Variants in EDEM1 observed in about 807,000 individuals in gnomAD.
The protein encoded by EDEM1 is ER degradation enhancing alpha-mannosidase like protein 1.
Under a neutral mutation model 74.4 loss-of-function variants are expected in EDEM1, and 67 were observed. The observed-to-expected ratio is 0.90, with a 90% CI of 0.74 to 1.10. The LOEUF is 1.10. Among genes scored for constraint, EDEM1 ranks in the 50% least tolerant of loss-of-function variants. EDEM1 has a pLI of 0.00. For synonymous variants in EDEM1, 382 were observed against 335.9 expected (o/e 1.14, Z -1.50); for missense variants, 926 against 851.6 (o/e 1.09, Z -1.09).
chr3:5,192,647 AG>A (rs2106587154), intron 1 of EDEM1, among the ~76,000 whole-genome samples: 1 of 152,360 alleles, frequency 6.6e-6, no homozygotes, highest in African/African-American at 2.4e-5. Context: ...ATATCTACAA[AG>A]AACAAATCCA....
chr3:5,213,673 G>A, intron 11 of EDEM1, 151 bp downstream of exon 11: 1 of 764,540 alleles, frequency 1.3e-6, no homozygotes. Flanking sequence ...TTACATAGCT[G>A]TTGTCAGGGT....
chr3:5,198,001 G>A (rs1235406970), intron 2 of EDEM1, among the ~76,000 whole-genome samples: 1 of 152,030 alleles, frequency 6.6e-6, no homozygotes, highest in East Asian at 1.9e-4. Context: ...GGGTGAGGGG[G>A]CACTTCCAAG....
In EDEM1 at chr3:5,208,096, C is replaced by A; in HGVS notation, c.1342C>A (p.Leu448Met). The change falls in exon 8 of 12, where the codon CTG becomes ATG. Residue 448 changes from leucine to methionine, a missense_variant. Leu to Met is a conservative substitution (Grantham distance 15, BLOSUM62 2). Transcript: ENST00000256497. The part of the protein sequence containing the change: ...LQAFFPGLQV[L>M]IGDVEDAICL... ...ATGACCTGTGTCCTCTCCTTAGGTG[C>A]TGATAGGAGATGTGGAAGATGCCAT... The A allele has an allele frequency of 6.2e-7, 1 of 1,601,450 alleles. No individual in the cohort carries two copies. The highest frequency in any genetic ancestry group is 8.5e-7 in the Non-Finnish European group (1 of 1,176,070).
chr3:5,195,899 C>T (rs184480505), intron 2 of EDEM1, among the ~76,000 whole-genome samples: 1 of 152,362 alleles, frequency 6.6e-6, no homozygotes, highest in East Asian at 1.9e-4. Context: ...CAGTGTGGCA[C>T]TCAGTACATG....
In EDEM1 at chr3:5,195,214, A is replaced by G. The variant is rs1427661411; in HGVS notation, c.515A>G (p.Asn172Ser). 1.3e-6 allele frequency: 2 copies of G among 1,523,762 alleles called. No individual in the cohort carries two copies. The highest frequency in any genetic ancestry group is 1.8e-6 in the Non-Finnish European group (2 of 1,132,076). 94.4% of individuals were successfully genotyped at this position (1,523,762 alleles called of 1,614,324 possible). A position where few individuals can be genotyped will look rare whatever the true frequency, so the allele number is the denominator to read the frequency against. The change falls in exon 2 of 12, where the codon AAT (asparagine) becomes AGT (serine). Residue 172 changes from asparagine (N) to serine (S), a missense_variant. Asn to Ser is a conservative substitution (Grantham distance 46, BLOSUM62 1). Coordinates refer to ENST00000256497, the MANE Select transcript of EDEM1 (RefSeq NM_014674.3). The part of the protein sequence containing the change: ...GRGPDRGDPS[N>S]LNINDVLGNY... Reference sequence around the variant, plus strand: ...ATTTTAATTTTCTTTTTCAGTTCAAATCTGAACATCAATGATGTACTAGGG... The same window carrying G: ...ATTTTAATTTTCTTTTTCAGTTCAAGTCTGAACATCAATGATGTACTAGGG...
At chr3:5,201,980 A>G in intron 4 of EDEM1, 56 bp downstream of exon 4, 1 of 1,552,690 alleles carries the variant, frequency 6.4e-7, no homozygotes, top group Non-Finnish European at 8.7e-7. Context: ...TCCTGAATTA[A>G]AATTCTTTGC....
intron 3 of EDEM1, 91 bp from the exon 4 acceptor site, chr3:5,201,662 G>T: frequency 6.7e-7 from 1 of 1,485,504 alleles, no homozygotes; most frequent in Non-Finnish European, 9.3e-7. Flanking sequence ...GAGTCTATGT[G>T]GATATGAACA....
At chr3:5,188,346 C>T in intron 1 of EDEM1, 32 bp downstream of exon 1, 1 of 1,387,184 alleles carries the variant, frequency 7.2e-7, no homozygotes, top group Non-Finnish European at 9.4e-7. Flanking sequence ...GGGCCGCGCG[C>T]CCACGCGCTT....
intron 1 of EDEM1, among the ~76,000 whole-genome samples, chr3:5,192,629 T>C (rs773535975): frequency 6.6e-6 from 1 of 152,202 alleles, no homozygotes; most frequent in Non-Finnish European, 1.5e-5. Context: ...GGCTGGAGAT[T>C]GACAAGAATA....
intron 4 of EDEM1, among the ~76,000 whole-genome samples, chr3:5,202,153 C>G (rs1053817215): frequency 6.6e-6 from 1 of 152,198 alleles, no homozygotes; most frequent in Admixed American, 6.5e-5. Context: ...CTGACTTATT[C>G]CTTCCCCTTA....
chr3:5,210,270 C>A (rs554520105), intron 9 of EDEM1, 22 bp downstream of exon 9: 62 of 1,599,756 alleles, frequency 3.9e-5, no homozygotes, highest in Non-Finnish European at 5.0e-5. Context: ...AAGTTCCTAC[C>A]TTTTTCTGTC....
rs200591426 is a variant in EDEM1 at position 5,188,000 on chromosome 3, G to T, written c.195G>T (p.Gly65=). The T allele has an allele frequency of 2.0e-6, 3 of 1,510,786 alleles. No individual in the cohort carries two copies. Among genetic ancestry groups the T allele is most frequent in the Non-Finnish European group, 2.6e-6 (3 of 1,132,098 alleles). 93.6% of individuals were successfully genotyped at this position (1,510,786 alleles called of 1,614,324 possible). A position where few individuals can be genotyped will look rare whatever the true frequency, so the allele number is the denominator to read the frequency against. ...CGGGGCCCGTGGGCCGGCCTGGGGGGGTATCCGGGCCGTCGTGGCTGCAGC... is the reference window on the plus strand; with the variant it reads ...CGGGGCCCGTGGGCCGGCCTGGGGGTGTATCCGGGCCGTCGTGGCTGCAGC... ...PTSGPVGRPG[G]VSGPSWLQPP... Residue 65 remains glycine (G), a synonymous_variant, in exon 1 of 12, where the codon GGG becomes GGT. Transcript: ENST00000256497.
At chr3:5,196,890 C>G (rs1424776259) in intron 2 of EDEM1, among the ~76,000 whole-genome samples, 4 of 151,886 alleles carry the variant, frequency 2.6e-5, no homozygotes, top group Non-Finnish European at 5.9e-5. Flanking sequence ...CTCCTTGTCC[C>G]TGAGAGCTTT....
Position 5,194,764 on chromosome 3 carries a change from C to T in EDEM1, c.510-445C>T, listed in dbSNP as rs564423502. On this transcript the variant is annotated intron_variant, in intron 1 of 11. Transcript: ENST00000256497. ...TTGACACTGTCAATTAATGTATTTA[C>T]TTCTTTTTGTGTGTAATATAGGCTG... 1.4e-3 allele frequency among the ~76,000 whole-genome samples: 209 copies of T among 152,294 alleles called. 1 individual carries two copies. Among genetic ancestry groups the T allele is most frequent in the African/African-American group, 4.9e-3 (204 of 41,554 alleles).
chr3:5,208,492 C>G (rs1397910320), intron 8 of EDEM1, among the ~76,000 whole-genome samples: 3 of 152,098 alleles, frequency 2.0e-5, no homozygotes, highest in East Asian at 1.9e-4. Flanking sequence ...TTCTACAAAG[C>G]TGAATCATGT....
chr3:5,195,225 A>G lies in EDEM1; in HGVS notation c.526A>G (p.Asn176Asp). ...DRGDPSNLNI[N>D]DVLGNYSLTL... ...CTTTTTCAGTTCAAATCTGAACATCAATGATGTACTAGGGAACTACTCATT... is the reference window on the plus strand; with the variant it reads ...CTTTTTCAGTTCAAATCTGAACATCGATGATGTACTAGGGAACTACTCATT... The change falls in exon 2 of 12, where the codon AAT becomes GAT. Residue 176 changes from asparagine to aspartate, a missense_variant. Asn to Asp is a conservative substitution (Grantham distance 23). Transcript: ENST00000256497. 6.5e-7 allele frequency: 1 copy of G among 1,539,686 alleles called. No homozygotes were observed. Among genetic ancestry groups the G allele is most frequent in the Non-Finnish European group, 8.8e-7 (1 of 1,140,654 alleles).
Position 5,205,966 on chromosome 3 carries a change from C to A in EDEM1, c.1217+725C>A, listed in dbSNP as rs574164118. ...GACACATCCCAGTGTTTAACTGTGG[C>A]TTTAATTGCAGATAGATCTGCAATG... On this transcript the variant is annotated intron_variant, in intron 6 of 11. Coordinates refer to ENST00000256497, the MANE Select transcript of EDEM1 (RefSeq NM_014674.3). Among the ~76,000 whole-genome samples the A allele has an allele frequency of 8.2e-4, 125 of 152,166 alleles. 1 individual carries two copies. Among genetic ancestry groups the A allele is most frequent in the African/African-American group, 3.0e-3 (123 of 41,498 alleles).
intron 1 of EDEM1, among the ~76,000 whole-genome samples, chr3:5,192,228 G>A (rs2054910304): frequency 6.6e-6 from 1 of 152,156 alleles, no homozygotes; most frequent in South Asian, 2.1e-4. Flanking sequence ...ATTGAGTACT[G>A]TTGTGTATTC....
At chr3:5,208,457 A>G (rs894998791) in intron 8 of EDEM1, among the ~76,000 whole-genome samples, 194 bp downstream of exon 8, 2 of 152,184 alleles carry the variant, frequency 1.3e-5, no homozygotes, top group Non-Finnish European at 2.9e-5. Context: ...AGGCATCTGC[A>G]GTCAAATATG....
Sources: gnomAD v4.1 joint callset for allele counts (sites outside exome capture counted in the v4.1 genomes callset) on GRCh38, gnomAD v4.1.1 for gene constraint, MANE v1.5 for transcripts, NCBI Gene and HGNC (gene_info 2026-07-23, HGNC 2026-07-21) for gene names.